The following KRT25 variants were observed in gnomAD, a reference collection of about 807,000 sequenced individuals.
The protein encoded by KRT25 is keratin, type I cytoskeletal 25.
A neutral mutation model predicts 47.6 loss-of-function variants in KRT25; 37 were observed. The ratio of observed to expected loss-of-function variants is 0.78; its 90% CI spans 0.60 to 1.02. The LOEUF (loss-of-function observed/expected upper bound fraction) is 1.02, where lower values mean the gene tolerates loss of function less well. KRT25 is among the 50% of genes least tolerant of loss of function. The pLI is 0.00. For synonymous variants in KRT25, 203 were observed against 210.2 expected (o/e 0.97, Z 0.30); for missense variants, 542 against 550.3 (o/e 0.98, Z 0.15).
chr17:40,749,382 C>A, intron 6 of KRT25, 57 bp from the exon 7 acceptor site: 1 of 1,248,978 alleles, frequency 8.0e-7, no homozygotes, highest in South Asian at 1.2e-5. Context: ...ATTCTAGGAT[C>A]ACCATATGGT....
chr17:40,749,339 G>A lies in KRT25; in HGVS notation c.1176-14C>T, dbSNP rs201488410. 97 of 1,592,320 alleles carry A rather than the reference G, an allele frequency of 6.1e-5. 1 individual carries two copies. Among genetic ancestry groups the A allele is most frequent in the African/African-American group, 3.6e-4 (27 of 74,456 alleles). On this transcript the variant is annotated splice_polypyrimidine_tract_variant and intron_variant, in intron 6 of 7. Transcript: ENST00000312150. ...GACTTACAGGCTCTGTGAAAACATC[G>A]CAAAAGAGGGTGATTTAGAGAGAAC...
Position 40,750,712 on chromosome 17 carries a change from T to G in KRT25, c.958-115A>C. On this transcript the variant is annotated intron_variant, in intron 5 of 7. Transcript: ENST00000312150. ...ACATATAATTGTTTCAGATTTCACATGGACACATAGTTAAGACTCTGTGAT... is the reference window on the plus strand; with the variant it reads ...ACATATAATTGTTTCAGATTTCACAGGGACACATAGTTAAGACTCTGTGAT... 5.5e-6 allele frequency: 8 copies of G among 1,463,694 alleles called. No homozygotes were observed. The South Asian group carries it at 7.7e-5, about 14-fold the overall frequency. The allele number at this position is 1,463,694 out of a possible 1,614,324, so 90.7% of individuals were successfully genotyped here. A position where few individuals can be genotyped will look rare whatever the true frequency, so the allele number is the denominator to read the frequency against.
chr17:40,754,846 AT>A lies in KRT25; in HGVS notation c.425del (p.Asn142IlefsTer41). 1 of 1,607,400 alleles carries A rather than the reference AT, an allele frequency of 6.2e-7. No homozygotes were observed. Among genetic ancestry groups the A allele is most frequent in the Non-Finnish European group, 8.5e-7 (1 of 1,176,312 alleles). On this transcript the variant is annotated frameshift_variant, in exon 1 of 8. Transcript: ENST00000312150. LOFTEE classifies it high-confidence loss of function. ...RYFPIIDDLKNQIIASTTSNA... is the reference protein window; with the variant it reads ...RYFPIIDDLKXQIIASTTSNA... ...ATTGTGCAGTATGATTTCTTACCTG[AT>A]TTTTAAGGTCATCAATTATTGGGAA... is the stretch of plus-strand genomic sequence containing the variant.
intron 5 of KRT25, 27 bp from the exon 6 acceptor site, chr17:40,750,624 G>A: frequency 6.2e-7 from 1 of 1,612,988 alleles, no homozygotes; most frequent in African/African-American, 1.3e-5. Context: ...AAGAGAACTT[G>A]AAATGGATAT....
At chr17:40,749,163 A>T (rs1229733406) in intron 7 of KRT25, 95 bp downstream of exon 7, 2 of 879,074 alleles carry the variant, frequency 2.3e-6, no homozygotes, top group African/African-American at 3.3e-5. Flanking sequence ...ACACGTGTTT[A>T]CCTATGTAAC....
At chr17:40,751,858 A>ATG (rs1017788910) in intron 3 of KRT25, among the ~76,000 whole-genome samples, 20 of 81,350 alleles carry the variant, frequency 2.5e-4, no homozygotes, top group African/African-American at 3.9e-4. Context: ...AAATAAATGT[A>ATG]TGTGTGTGTG....
At position 40,748,345 on chromosome 17, in the gene KRT25, C is replaced by G; in HGVS notation, c.1285G>C (p.Val429Leu). 6.2e-7 allele frequency: 1 copy of G among 1,613,062 alleles called. No individual in the cohort carries two copies. The highest frequency in any genetic ancestry group is 8.5e-7 in the Non-Finnish European group (1 of 1,179,514). ...AIVVKKVLEE[V>L]DQRSKILTTR... ...GTAAGTATTTTGCTGCGTTGGTCTA[C>G]CTCCTCAAGAACTTTCTTAACCACT... The change falls in exon 8 of 8, where the codon GTA becomes CTA. Residue 429 changes from valine (V) to leucine (L), a missense_variant. Val to Leu is a conservative substitution (Grantham distance 32). Coordinates refer to ENST00000312150, the MANE Select transcript of KRT25 (RefSeq NM_181534.4).
chr17:40,749,869 C>A (rs932607290), intron 6 of KRT25, among the ~76,000 whole-genome samples: 7 of 151,952 alleles, frequency 4.6e-5, no homozygotes, highest in African/African-American at 1.7e-4. Flanking sequence ...TGTATGATTC[C>A]TTTTATATTA....
In KRT25 at chr17:40,751,876, G is replaced by GCA. The variant is rs2038052181; in HGVS notation, c.670-551_670-550insTG. Among the ~76,000 whole-genome samples the GCA allele has an allele frequency of 3.4e-5, 3 of 87,042 alleles. No individual in the cohort carries two copies. In the Admixed American group the frequency reaches 3.6e-4, roughly 10 times the overall value. 57.1% of individuals were successfully genotyped at this position (87,042 alleles called of 152,430 possible). Reference sequence around the variant, plus strand: ...TAAATGTATGTGTGTGTGTGTGTGTGTGCGTGCGTGTGTGTGTGTGTGTGT... The same window carrying GCA: ...TAAATGTATGTGTGTGTGTGTGTGTGCATGCGTGCGTGTGTGTGTGTGTGTGT... On this transcript the variant is annotated intron_variant, in intron 3 of 7. Transcript: ENST00000312150.
intron 3 of KRT25, among the ~76,000 whole-genome samples, chr17:40,753,204 GTATATTTATTT>G (rs1381907206): frequency 6.6e-6 from 1 of 152,128 alleles, no homozygotes; most frequent in African/African-American, 2.4e-5. Flanking sequence ...TGGCCTTAAA[GTATATTTATTT>G]TATATTTATT....
intron 3 of KRT25, among the ~76,000 whole-genome samples, chr17:40,752,355 T>C (rs2038057705): frequency 6.6e-6 from 1 of 152,192 alleles, no homozygotes; most frequent in African/African-American, 2.4e-5. Context: ...GCGAAGACTG[T>C]GTATATTGGA....
At chr17:40,754,105 G>T in intron 2 of KRT25, 89 bp from the exon 3 acceptor site, 1 of 1,306,022 alleles carries the variant, frequency 7.7e-7, no homozygotes, top group Non-Finnish European at 1.1e-6. Context: ...TAGCATTCTG[G>T]AATTTTGAAG....
Position 40,753,847 on chromosome 17 carries a change from G to T in KRT25, c.669+13C>A. ...TGCGGAGGGATAGCAAAATGTAGACGACCAGCTCTTACCTCTTTATGGTTC... is the reference window on the plus strand; with the variant it reads ...TGCGGAGGGATAGCAAAATGTAGACTACCAGCTCTTACCTCTTTATGGTTC... On this transcript the variant is annotated intron_variant, in intron 3 of 7. Transcript: ENST00000312150. 2.5e-6 allele frequency: 4 copies of T among 1,612,440 alleles called. No homozygotes were observed. In the South Asian group the frequency reaches 4.4e-5, roughly 18 times the overall value.
rs1021758341 is a variant in KRT25 at position 40,755,090 on chromosome 17, C to T, written c.182G>A (p.Gly61Asp). The T allele has an allele frequency of 6.2e-7, 1 of 1,614,084 alleles. No homozygotes were observed. The highest frequency in any genetic ancestry group is 1.1e-5 in the South Asian group (1 of 91,066). The change falls in exon 1 of 8, where the codon GGT becomes GAT. Residue 61 changes from glycine (G) to aspartate (D), a missense_variant. Physicochemically the swap from Gly to Asp is moderately conservative, Grantham distance 94 (BLOSUM62 -1). Coordinates refer to ENST00000312150, the MANE Select transcript of KRT25 (RefSeq NM_181534.4). The part of the protein sequence containing the change: ...GSSSGGNTGG[G>D]NPCAGFTVNE... ...CACAGTGAAGCCAGCACAGGGATTA[C>T]CTCCCCCTGTGTTTCCTCCCGATGA... is the stretch of plus-strand genomic sequence containing the variant.
intron 1 of KRT25, 113 bp from the exon 2 acceptor site, chr17:40,754,581 G>A (rs2038086868): frequency 1.0e-6 from 1 of 981,770 alleles, no homozygotes; most frequent in Admixed American, 1.9e-5. Context: ...AGGAGGGCAT[G>A]GTGGCAGGCA....
rs371226270 is a variant in KRT25, at chr17:40,755,167, A to G, written c.105T>C (p.Ser35=). The change falls in exon 1 of 8, where the codon TCT becomes TCC. Residue 35 remains serine (S), a synonymous_variant. Transcript: ENST00000312150. ...CACTTCCAATCCCTGAAATGCCACA[A>G]GAATTTCCAGTACCAAAGCTGGTTC... is the stretch of plus-strand genomic sequence containing the variant. ...GGGTSFGTGN[S]CGISGIGSGF... 22 of 1,614,140 alleles carry G rather than the reference A, an allele frequency of 1.4e-5. No homozygotes were observed. Among genetic ancestry groups the G allele is most frequent in the African/African-American group, 4.0e-5 (3 of 74,936 alleles).
Position 40,755,204 on chromosome 17 carries a change from A to G in KRT25, c.68T>C (p.Leu23Pro), listed in dbSNP as rs148039422. 24 of 1,614,046 alleles carry G rather than the reference A, an allele frequency of 1.5e-5. No homozygotes were observed. The highest frequency in any genetic ancestry group is 1.9e-5 in the Non-Finnish European group (23 of 1,180,032). Residue 23 changes from leucine to proline, a missense_variant, in exon 1 of 8, where the codon CTC (leucine) becomes CCC (proline). Leu to Pro is a moderately conservative substitution (Grantham distance 98). Transcript: ENST00000312150. ...ACCAAAGCTGGTTCCCCCACCATAG[A>G]GTCTGAGTGATCCAGTGGTGGGACG... ...CPRPTTGSLR[L>P]YGGGTSFGTG...
rs769094210 is a variant in KRT25 at position 40,753,869 on chromosome 17, G to T, written c.660C>A (p.Asn220Lys). 1 of 1,613,834 alleles carries T rather than the reference G, an allele frequency of 6.2e-7. No individual in the cohort carries two copies. The highest frequency in any genetic ancestry group is 1.1e-5 in the South Asian group (1 of 91,062). Residue 220 changes from asparagine (N) to lysine (K), a missense_variant, in exon 3 of 8, where the codon AAC (asparagine) becomes AAA (lysine). Physicochemically the swap from Asn to Lys is moderately conservative, Grantham distance 94. Transcript: ENST00000312150. Reference sequence around the variant, plus strand: ...GACGACCAGCTCTTACCTCTTTATGGTTCTTTTTGAGGTAAGTCATCTCCT... The same window carrying T: ...GACGACCAGCTCTTACCTCTTTATGTTTCTTTTTGAGGTAAGTCATCTCCT... ...LSEEMTYLKK[N>K]HKEEMQVLQC...
At chr17:40,749,567 T>C (rs1251693638) in intron 6 of KRT25, among the ~76,000 whole-genome samples, 6 of 152,220 alleles carry the variant, frequency 3.9e-5, no homozygotes, top group Non-Finnish European at 4.4e-5. Flanking sequence ...TGTCATGAGA[T>C]GGTAACAGCA....
Sources: gnomAD v4.1 joint callset for allele counts (sites outside exome capture counted in the v4.1 genomes callset) on GRCh38, gnomAD v4.1.1 for gene constraint, MANE v1.5 for transcripts, NCBI Gene and HGNC (gene_info 2026-07-23, HGNC 2026-07-21) for gene names.